Variants in ADIPOR2 observed in about 807,000 individuals in gnomAD.
The protein encoded by ADIPOR2 is adiponectin receptor protein 2.
A neutral mutation model predicts 40.9 loss-of-function variants in ADIPOR2; 18 were observed. The observed-to-expected ratio is 0.44, with a 90% confidence interval of 0.30 to 0.65. The LOEUF (loss-of-function observed/expected upper bound fraction) is 0.65. Ranked by LOEUF, ADIPOR2 falls within the 30% of genes least tolerant of loss-of-function variation. The pLI, the probability that ADIPOR2 is intolerant of heterozygous loss-of-function variation, is 0.09. For missense variants in ADIPOR2, 283 were observed against 479.2 expected, an observed-to-expected ratio of 0.59 and a Z score of 3.82; for synonymous variants, 165 against 166.4, an observed-to-expected ratio of 0.99 and a Z score of 0.06.
In ADIPOR2 at chr12:1,786,851, G is replaced by A. The variant is rs1395498883; in HGVS notation, c.*779G>A. 1.3e-5 allele frequency: 2 copies of A among 152,242 alleles called. No homozygotes were observed. Among genetic ancestry groups the A allele is most frequent in the African/African-American group, 2.4e-5 (1 of 41,426 alleles). The allele number at this position is 152,242 out of a possible 1,614,324, so 9.4% of individuals were successfully genotyped here. On this transcript the variant is annotated 3_prime_UTR_variant, in exon 8 of 8. Coordinates refer to ENST00000357103, the MANE Select transcript of ADIPOR2 (RefSeq NM_024551.3). ...CCTGAGGTAGAGGGGAGTGGTATGT[G>A]TTTTCTCAGTGGAAGCAGCACATGA...
At position 1,780,873 on chromosome 12, in the gene ADIPOR2, T is replaced by A; in HGVS notation, c.651-16T>A. 1.3e-6 allele frequency: 2 copies of A among 1,562,416 alleles called. No individual in the cohort carries two copies. Among genetic ancestry groups the A allele is most frequent in the Non-Finnish European group, 8.6e-7 (1 of 1,158,908 alleles). ...TTAAATTACTGCATTAAATGGATTTTTTTTTTCTGTCATAGACTGGATTAC... is the reference window on the plus strand; with the variant it reads ...TTAAATTACTGCATTAAATGGATTTATTTTTTCTGTCATAGACTGGATTAC... On this transcript the variant is annotated splice_polypyrimidine_tract_variant and intron_variant, in intron 5 of 7. Transcript: ENST00000357103.
rs1862711591 is a variant in ADIPOR2, at chr12:1,781,191, A to G, written c.838+115A>G. 5 of 1,141,274 alleles carry G rather than the reference A, an allele frequency of 4.4e-6. No homozygotes were observed. In the South Asian group the frequency reaches 9.4e-5, roughly 21 times the overall value. The allele number at this position is 1,141,274 out of a possible 1,614,324, so 70.7% of individuals were successfully genotyped here. ...TATGCTGTGTATTTGTGATGCCAAGATGAAGAAATCATAGTTCCTATTGTT... is the reference window on the plus strand; with the variant it reads ...TATGCTGTGTATTTGTGATGCCAAGGTGAAGAAATCATAGTTCCTATTGTT... On this transcript the variant is annotated intron_variant, in intron 6 of 7. Transcript: ENST00000357103.
chr12:1,698,129 G>A (rs2094642946), intron 1 of ADIPOR2: 1 of 152,270 alleles, frequency 6.6e-6, no homozygotes, highest in Non-Finnish European at 1.5e-5. Flanking sequence ...GCTGTGGTGT[G>A]GAGCTGTGGC....
At chr12:1,731,433 A>C (rs372448921) in intron 1 of ADIPOR2, among the ~76,000 whole-genome samples, 225 of 152,324 alleles carry the variant, frequency 1.5e-3, no homozygotes, top group African/African-American at 5.1e-3. Flanking sequence ...AATGTTGTAC[A>C]ATCATCACAC....
chr12:1,737,365 G>T (rs749373915), intron 1 of ADIPOR2, among the ~76,000 whole-genome samples: 1 of 151,572 alleles, frequency 6.6e-6, no homozygotes, highest in Non-Finnish European at 1.5e-5. Context: ...TTACAGTATT[G>T]TCATGTGGAA....
chr12:1,748,106 C>G (rs1345876055), intron 1 of ADIPOR2, among the ~76,000 whole-genome samples: 1 of 151,780 alleles, frequency 6.6e-6, no homozygotes, highest in Admixed American at 6.6e-5. Context: ...ACTGTTGAGC[C>G]CCCCCACCCT....
chr12:1,718,624 C>G (rs775393561), intron 1 of ADIPOR2, among the ~76,000 whole-genome samples: 1 of 152,136 alleles, frequency 6.6e-6, no homozygotes, highest in African/African-American at 2.4e-5. Context: ...TGGCTAAAGT[C>G]GACTGCTATC....
intron 1 of ADIPOR2, among the ~76,000 whole-genome samples, chr12:1,735,877 G>C (rs568519305): frequency 6.6e-6 from 1 of 152,300 alleles, no homozygotes; most frequent in African/African-American, 2.4e-5. Context: ...TGTTGGTTCT[G>C]TTTGTATGCT....
intron 1 of ADIPOR2, among the ~76,000 whole-genome samples, chr12:1,729,646 G>GATTTT (rs2094715841): frequency 1.7e-5 from 2 of 118,014 alleles, no homozygotes; most frequent in Admixed American, 8.5e-5. Context: ...TTTTTTGAGT[G>GATTTT]TTTTTTTTTG....
chr12:1,776,552 G>A lies in ADIPOR2; in HGVS notation c.292-1302G>A, dbSNP rs554776815. 9.2e-5 allele frequency among the ~76,000 whole-genome samples: 14 copies of A among 152,284 alleles called. No individual in the cohort carries two copies. The South Asian group carries it at 2.3e-3, about 25-fold the overall frequency. ...GCAGAAGCAAGTTAGTCAAGATTAAGTGATCCTTGTGGTGTGAGCTCTCGG... is the reference window on the plus strand; with the variant it reads ...GCAGAAGCAAGTTAGTCAAGATTAAATGATCCTTGTGGTGTGAGCTCTCGG... On this transcript the variant is annotated intron_variant, in intron 3 of 7. Coordinates refer to ENST00000357103, the MANE Select transcript of ADIPOR2 (RefSeq NM_024551.3).
At chr12:1,779,449 A>G (rs958655811) in intron 4 of ADIPOR2, among the ~76,000 whole-genome samples, 45 of 152,236 alleles carry the variant, frequency 3.0e-4, no homozygotes, top group African/African-American at 1.0e-3. Flanking sequence ...TTCTACATGC[A>G]TGAAATGTCC....
intron 7 of ADIPOR2, among the ~76,000 whole-genome samples, chr12:1,784,484 C>A (rs9805049): frequency 0.54 from 81,664 of 152,138 alleles, 22,672 homozygotes; most frequent in African/African-American, 0.67. Flanking sequence ...TTGACAATGG[C>A]AAGTCATTTT....
chr12:1,703,831 A>G (rs1228936847), intron 1 of ADIPOR2, among the ~76,000 whole-genome samples: 1 of 152,096 alleles, frequency 6.6e-6, no homozygotes, highest in Non-Finnish European at 1.5e-5. Flanking sequence ...CCACCACCCC[A>G]GCCTCTGTAG....
intron 3 of ADIPOR2, 50 bp downstream of exon 3, chr12:1,773,011 A>G (rs753915898): frequency 6.3e-7 from 1 of 1,590,108 alleles, no homozygotes; most frequent in South Asian, 1.2e-5. Context: ...TAGCCCTTCC[A>G]AAACAGAAAC....
chr12:1,782,280 T>C (rs1264471570), intron 6 of ADIPOR2, among the ~76,000 whole-genome samples: 1 of 152,232 alleles, frequency 6.6e-6, no homozygotes, highest in Non-Finnish European at 1.5e-5. Flanking sequence ...ATGCATCCCA[T>C]AGCTGTGCTT....
chr12:1,733,420 A>G (rs774830849), intron 1 of ADIPOR2, among the ~76,000 whole-genome samples: 1 of 152,078 alleles, frequency 6.6e-6, no homozygotes, highest in Non-Finnish European at 1.5e-5. Flanking sequence ...CCTGGATATA[A>G]CCGTGAGAGC....
At chr12:1,708,556 G>C (rs2094668612) in intron 1 of ADIPOR2, among the ~76,000 whole-genome samples, 1 of 152,152 alleles carries the variant, frequency 6.6e-6, no homozygotes, top group African/African-American at 2.4e-5. Context: ...TGTAGGATGT[G>C]AGGTAAAAGT....
chr12:1,756,059 ATC>A (rs1862117631), intron 2 of ADIPOR2, among the ~76,000 whole-genome samples: 1 of 152,054 alleles, frequency 6.6e-6, no homozygotes, highest in Non-Finnish European at 1.5e-5. Flanking sequence ...GAATATGCTT[ATC>A]TTCCTTGCCT....
intron 1 of ADIPOR2, among the ~76,000 whole-genome samples, chr12:1,694,390 A>C (rs531667587): frequency 2.6e-5 from 4 of 152,268 alleles, no homozygotes; most frequent in African/African-American, 7.2e-5. Flanking sequence ...CAGATGCTCA[A>C]ATCTCTGATA....
Sources: allele counts gnomAD v4.1 joint callset (sites outside exome capture counted in the v4.1 genomes callset), GRCh38; gene constraint gnomAD v4.1.1; transcripts MANE v1.5; gene names NCBI Gene and HGNC (gene_info 2026-07-23, HGNC 2026-07-21).